The following DKC1 variants were observed in gnomAD, a reference collection of about 807,000 sequenced individuals.
DKC1 encodes dyskerin pseudouridine synthase 1, also known as H/ACA ribonucleoprotein complex subunit DKC1.
In DKC1, 4 loss-of-function variants were observed where a neutral mutation model predicts 46.7. The ratio of observed to expected loss-of-function variants is 0.09; its 90% CI spans 0.04 to 0.20. The LOEUF is 0.20. DKC1 is among the 10% of genes least tolerant of loss of function. DKC1 has a pLI of 1.00. For missense variants in DKC1, 171 were observed against 404.2 expected (o/e 0.42, Z 4.95); for synonymous variants, 141 against 142.4 (o/e 0.99, Z 0.07).
At chrX:154,765,295 T>C in intron 2 of DKC1, 149 bp from the exon 3 acceptor site, 1 of 578,582 alleles carries the variant, frequency 1.7e-6, no homozygotes, top group Middle Eastern at 3.9e-4. Flanking sequence ...TCCTGGTTCA[T>C]TTCTTCTCTC....
chrX:154,772,332 A>AT (rs2071835530), intron 10 of DKC1, among the ~76,000 whole-genome samples: 1 of 111,912 alleles, frequency 8.9e-6, no homozygotes, highest in African/African-American at 3.3e-5. Flanking sequence ...AGCACCATTT[A>AT]TTGAAGAGAC....
intron 11 of DKC1, among the ~76,000 whole-genome samples, chrX:154,773,831 G>A (rs1203858469): frequency 1.8e-5 from 2 of 112,360 alleles, no homozygotes; most frequent in Non-Finnish European, 1.9e-5. Context: ...CCTCCCAGAC[G>A]GGGTGGCGGC....
Position 154,766,998 on chromosome X carries a change from C to A in DKC1, c.450C>A (p.Gly150=). 1 of 1,210,580 alleles carries A rather than the reference C, an allele frequency of 8.3e-7. No individual in the cohort carries two copies. The highest frequency in any genetic ancestry group is 1.1e-6 in the Non-Finnish European group (1 of 894,490). The change falls in exon 6 of 15, where the codon GGC becomes GGA. Residue 150 remains glycine, a splice_region_variant and synonymous_variant. Transcript: ENST00000369550. The stretch of plus-strand genomic sequence containing the variant: ...GACTACTCTTTTGTCATTTTTCAGG[C>A]AAAGAGTATGTGGGGATTGTCCGGC... ...TRLVKSQQSA[G]KEYVGIVRLH... is the part of the protein sequence containing the mutation.
At chrX:154,767,189 G>A in intron 6 of DKC1, 67 bp from the exon 7 acceptor site, 1 of 1,202,386 alleles carries the variant, frequency 8.3e-7, no homozygotes, top group Non-Finnish European at 1.1e-6. Context: ...GCTGCAGCCA[G>A]CCTGGACCAG....
chrX:154,765,774 C>T (rs1199012377), intron 3 of DKC1, 133 bp from the exon 4 acceptor site: 3 of 575,733 alleles, frequency 5.2e-6, no homozygotes, highest in Non-Finnish European at 6.0e-6. Flanking sequence ...AGTTTGTCAA[C>T]AGTTCTCAGT....
rs999063851 is a variant in DKC1, at chrX:154,769,018, A to G, written c.772-149A>G. 1.6e-5 allele frequency: 7 copies of G among 447,693 alleles called. No individual in the cohort carries two copies. In the East Asian group the frequency reaches 2.0e-4, roughly 13 times the overall value. 36.9% of individuals were successfully genotyped at this position (447,693 alleles called of 1,213,427 possible). A position where few individuals can be genotyped will look rare whatever the true frequency, so the allele number is the denominator to read the frequency against. On this transcript the variant is annotated intron_variant, in intron 8 of 14. Coordinates refer to ENST00000369550, the MANE Select transcript of DKC1 (RefSeq NM_001363.5). ...CAAAAAAAAAAAAAAAAAAAAAAAA[A>G]AGATGCCTGGAAGAGCCAGGACTGA...
At chrX:154,776,397 C>T (rs2071896738) in intron 14 of DKC1, 73 bp downstream of exon 14, 1 of 1,137,629 alleles carries the variant, frequency 8.8e-7, no homozygotes. Context: ...CCAGGTGGTA[C>T]CAGCTTTGTT....
At position 154,773,237 on chromosome X, in the gene DKC1, T is replaced by G. The variant is rs782792193; in HGVS notation, c.1143T>G (p.Gly381=). 3 of 1,179,222 alleles carry G rather than the reference T, an allele frequency of 2.5e-6. No homozygotes were observed. In the African/African-American group the frequency reaches 5.4e-5, roughly 21 times the overall value. ...MERDTYPRKW[G]LGPKASQKKL... Reference sequence around the variant, plus strand: ...GAGACACTTACCCTCGGAAGTGGGGTTTAGGTCCAAAGGTAAGTGGTACTG... The same window carrying G: ...GAGACACTTACCCTCGGAAGTGGGGGTTAGGTCCAAAGGTAAGTGGTACTG... Residue 381 remains glycine, a synonymous_variant, in exon 11 of 15, where the codon GGT becomes GGG. Transcript: ENST00000369550.
rs1355755703 is a variant in DKC1, at chrX:154,773,790, C to G, written c.1155+541C>G. On this transcript the variant is annotated intron_variant, in intron 11 of 14. Coordinates refer to ENST00000369550, the MANE Select transcript of DKC1 (RefSeq NM_001363.5). ...ATTCCACAAAACCGCCATTGCCATC[C>G]TGGCCCGTTCTCAATGAGCTGTTGG... is the stretch of plus-strand genomic sequence containing the variant. Among the ~76,000 whole-genome samples the G allele has an allele frequency of 2.7e-5, 3 of 112,585 alleles. No individual in the cohort carries two copies. The East Asian group carries it at 8.4e-4, about 31-fold the overall frequency.
At chrX:154,774,776 T>A in intron 12 of DKC1, 71 bp downstream of exon 12, 1 of 927,249 alleles carries the variant, frequency 1.1e-6, no homozygotes, top group Non-Finnish European at 1.6e-6. Context: ...CAGGAGTATG[T>A]CAACAACAGG....
intron 7 of DKC1, among the ~76,000 whole-genome samples, chrX:154,767,637 C>T (rs1404368138): frequency 4.5e-5 from 5 of 111,459 alleles, no homozygotes; most frequent in Admixed American, 9.6e-5. Flanking sequence ...TTGTGTAGTT[C>T]GGTGCTTTGT....
At chrX:154,767,099 C>T in intron 6 of DKC1, 38 bp downstream of exon 6, 1 of 1,190,148 alleles carries the variant, frequency 8.4e-7, no homozygotes, top group Non-Finnish European at 1.1e-6. Flanking sequence ...CCTTTGTTGA[C>T]TTGGATCTCT....
At chrX:154,776,523 C>T (rs1431881836) in intron 14 of DKC1, among the ~76,000 whole-genome samples, 199 bp downstream of exon 14, 3 of 111,380 alleles carry the variant, frequency 2.7e-5, no homozygotes, top group Non-Finnish European at 5.7e-5. Flanking sequence ...TAGAGGCACC[C>T]GACCTCTACC....
Position 154,776,727 on chromosome X carries a change from G to T in DKC1, c.1477-72G>T, listed in dbSNP as rs41299134. 9.7e-3 allele frequency: 10,244 copies of T among 1,058,676 alleles called. 47 individuals are homozygous for T. The highest frequency in any genetic ancestry group is 0.012 in the Non-Finnish European group (9,079 of 760,819). 87.2% of individuals were successfully genotyped at this position (1,058,676 alleles called of 1,213,427 possible). A position where few individuals can be genotyped will look rare whatever the true frequency, so the allele number is the denominator to read the frequency against. ...CTTGCTTGACTGTGGACCTTTACCA[G>T]ATTTCCTTCTGGGAGAGTCATAGCT... On this transcript the variant is annotated intron_variant, in intron 14 of 14. Transcript: ENST00000369550.
chrX:154,765,063 A>G (rs2071728884), intron 2 of DKC1, 97 bp downstream of exon 2: 1 of 722,816 alleles, frequency 1.4e-6, no homozygotes, highest in Non-Finnish European at 2.2e-6. Context: ...TTTCCAAGGA[A>G]TGGGCCAGCA....
At chrX:154,769,085 A>G (rs1169231547) in intron 8 of DKC1, 82 bp from the exon 9 acceptor site, 2 of 1,005,290 alleles carry the variant, frequency 2.0e-6, no homozygotes, top group South Asian at 1.9e-5. Context: ...TAAACAAGTG[A>G]CATTCAGTTT....
Position 154,771,601 on chromosome X carries a change from C to G in DKC1, c.1036+722C>G, listed in dbSNP as rs139822110. Among the ~76,000 whole-genome samples, 524 of 109,177 alleles carry G rather than the reference C, an allele frequency of 4.8e-3. 4 individuals carry two copies. The highest frequency in any genetic ancestry group is 7.6e-3 in the Non-Finnish European group (400 of 52,535). The allele number at this position is 109,177 out of a possible 115,157, so 94.8% of individuals were successfully genotyped here. On this transcript the variant is annotated intron_variant, in intron 10 of 14. Transcript: ENST00000369550. ...TCTCTGTCCATGAGTTCAATTGTTT[C>G]GATTCTTAGCTCCCACAAATAAGTG...
intron 11 of DKC1, among the ~76,000 whole-genome samples, chrX:154,773,703 C>A (rs992340444): frequency 9.0e-6 from 1 of 111,487 alleles, no homozygotes; most frequent in Non-Finnish European, 1.9e-5. Context: ...GTCTACTTCT[C>A]TCCACACAGA....
At chrX:154,765,286 C>CCT (rs782802476) in intron 2 of DKC1, 158 bp from the exon 3 acceptor site, 11 of 564,631 alleles carry the variant, frequency 1.9e-5, no homozygotes, top group Middle Eastern at 4.2e-4. Flanking sequence ...CCTCTGTACT[C>CCT]CTGGTTCATT....
Sources: gnomAD v4.1 joint callset for allele counts (sites outside exome capture counted in the v4.1 genomes callset) on GRCh38, gnomAD v4.1.1 for gene constraint, MANE v1.5 for transcripts, NCBI Gene and HGNC (gene_info 2026-07-23, HGNC 2026-07-21) for gene names.